The following ZNF385A variants were observed in gnomAD, a reference collection of about 807,000 sequenced individuals.
The protein encoded by ZNF385A is zinc finger protein 385A, also known as hematopoietic zinc finger protein.
Under a neutral mutation model 32.1 loss-of-function variants are expected in ZNF385A, and 14 were observed. The observed-to-expected ratio is 0.44, with a 90% CI of 0.29 to 0.68. The LOEUF (loss-of-function observed/expected upper bound fraction) is 0.68, where lower values mean the gene tolerates loss of function less well. ZNF385A is among the 30% of genes least tolerant of loss of function. ZNF385A has a pLI of 0.14. For missense variants in ZNF385A, 406 were observed against 478.4 expected, an observed-to-expected ratio of 0.85 and a Z score of 1.41; for synonymous variants, 197 against 202.7, an observed-to-expected ratio of 0.97 and a Z score of 0.24.
chr12:54,384,361 G>T, intron 1 of ZNF385A, 67 bp downstream of exon 1: 1 of 1,489,752 alleles, frequency 6.7e-7, no homozygotes, highest in Non-Finnish European at 9.0e-7. Context: ...GAAGAGGGCA[G>T]AGGTGGGTCT....
intron 1 of ZNF385A, among the ~76,000 whole-genome samples, chr12:54,382,531 C>T (rs1446292109): frequency 1.3e-5 from 2 of 152,146 alleles, no homozygotes; most frequent in Non-Finnish European, 2.9e-5. Context: ...AATTACTAAA[C>T]CCTTCTGAGG....
chr12:54,389,185 T>C (rs1181118275), upstream of ZNF385A, among the ~76,000 whole-genome samples: 5 of 152,226 alleles, frequency 3.3e-5, no homozygotes, highest in Non-Finnish European at 1.5e-5. Context: ...AGAACTGCCA[T>C]CTTAAACCTG....
intron 3 of ZNF385A, among the ~76,000 whole-genome samples, chr12:54,373,428 C>T (rs1441887766): frequency 6.6e-6 from 1 of 150,538 alleles, no homozygotes; most frequent in African/African-American, 2.5e-5. Flanking sequence ...GAAAAGGAAT[C>T]TTGTAAACTT....
chr12:54,374,839 T>C (rs992312050), intron 2 of ZNF385A, among the ~76,000 whole-genome samples: 1 of 152,144 alleles, frequency 6.6e-6, no homozygotes, highest in African/African-American at 2.4e-5. Flanking sequence ...CCAGGGTTGA[T>C]AGACAGGATG....
At chr12:54,376,610 G>A (rs953754045) in intron 1 of ZNF385A, among the ~76,000 whole-genome samples, 1 of 152,196 alleles carries the variant, frequency 6.6e-6, no homozygotes, top group Non-Finnish European at 1.5e-5. Context: ...CAGCTGGGCT[G>A]GCCCGAGGCA....
rs1390988940 is a variant in ZNF385A, at chr12:54,375,879, A to G, written c.163T>C (p.Ser55Pro). 4 of 1,614,164 alleles carry G rather than the reference A, an allele frequency of 2.5e-6. No individual in the cohort carries two copies. In the South Asian group the frequency reaches 4.4e-5, roughly 18 times the overall value. Reference protein sequence around the residue: ...PLLKTKRPVISCNICQIRFNS... With the variant: ...PLLKTKRPVIPCNICQIRFNS... ...AAGCGGATTTGACAGATATTACAGG[A>G]AATGACGGGCCGCTTGGTCTTGAGC... The change falls in exon 2 of 7, where the codon TCC becomes CCC. Residue 55 changes from serine (S) to proline (P), a missense_variant. Coordinates refer to ENST00000394313, the MANE Select transcript of ZNF385A (RefSeq NM_015481.3).
upstream of ZNF385A, chr12:54,385,595 G>A (rs1323627546): frequency 1.5e-5 from 15 of 977,258 alleles, no homozygotes; most frequent in African/African-American, 5.3e-5. Flanking sequence ...TGCTTGGCCC[G>A]TCCTCCCTTG....
chr12:54,376,807 AG>A (rs1445442310), intron 1 of ZNF385A, among the ~76,000 whole-genome samples: 2 of 152,180 alleles, frequency 1.3e-5, no homozygotes, highest in Non-Finnish European at 2.9e-5. Flanking sequence ...TTCTGCTATC[AG>A]GGGATGAAAA....
At chr12:54,386,942 GA>G (rs1230721981), upstream of ZNF385A, among the ~76,000 whole-genome samples, 1 of 152,212 alleles carries the variant, frequency 6.6e-6, no homozygotes, top group Non-Finnish European at 1.5e-5. Context: ...GACTTATGAG[GA>G]AATGGAGACT....
chr12:54,375,627 C>A (rs1034911178), intron 2 of ZNF385A, among the ~76,000 whole-genome samples: 2 of 152,156 alleles, frequency 1.3e-5, no homozygotes, highest in Non-Finnish European at 2.9e-5. Flanking sequence ...TGATCTACTT[C>A]ATGTCAAAAT....
chr12:54,376,760 C>A (rs938016086), intron 1 of ZNF385A, among the ~76,000 whole-genome samples: 1 of 152,208 alleles, frequency 6.6e-6, no homozygotes, highest in Non-Finnish European at 1.5e-5. Context: ...CAAGAGTTCA[C>A]ATGAGTAAGG....
At chr12:54,377,241 C>G (rs1954893686) in intron 1 of ZNF385A, among the ~76,000 whole-genome samples, 1 of 152,152 alleles carries the variant, frequency 6.6e-6, no homozygotes, top group South Asian at 2.1e-4. Context: ...AGATGGTGGC[C>G]TCATCCACTC....
chr12:54,391,199 A>G lies in ZNF385A; in HGVS notation c.10+36T>C. ...GTGGGTGACCCACAGAGAGGAACCC[A>G]GGAGCCGGGAGCCTGGAGTCGCAGA... On this transcript the variant is annotated intron_variant, in intron 1 of 7. Coordinates refer to the ZNF385A transcript ENST00000338010. 3.4e-6 allele frequency: 5 copies of G among 1,470,320 alleles called. No individual in the cohort carries two copies. The South Asian group carries it at 6.5e-5, about 19-fold the overall frequency. The allele number at this position is 1,470,320 out of a possible 1,614,324, so 91.1% of individuals were successfully genotyped here.
intron 1 of ZNF385A, among the ~76,000 whole-genome samples, chr12:54,389,920 AG>A (rs1205187931): frequency 3.9e-5 from 6 of 152,174 alleles, no homozygotes; most frequent in African/African-American, 1.4e-4. Context: ...TGCCAGGTGG[AG>A]GGGGTGAGAC....
At position 54,370,248 on chromosome 12, in the gene ZNF385A, G is replaced by A; in HGVS notation, c.*8C>T. ...GGGGAGTTGAATGGGAGGGGTTCAG[G>A]GTTGAGGTCAGTACGGGGAGAAGAG... is the stretch of plus-strand genomic sequence containing the variant. On this transcript the variant is annotated 3_prime_UTR_variant, in exon 7 of 7. Transcript: ENST00000394313. This position sits in a 1 kb window ranked among gnomAD's most constrained non-coding sequence, Gnocchi z 5.5. 1 of 1,449,198 alleles carries A rather than the reference G, an allele frequency of 6.9e-7. No homozygotes were observed. The highest frequency in any genetic ancestry group is 2.5e-5 in the East Asian group (1 of 39,496). 89.8% of individuals were successfully genotyped at this position (1,449,198 alleles called of 1,614,324 possible).
chr12:54,369,806 G>C lies in ZNF385A; in HGVS notation c.*450C>G, dbSNP rs1400122918. 1 of 154,732 alleles carries C rather than the reference G, an allele frequency of 6.5e-6. No homozygotes were observed. The highest frequency in any genetic ancestry group is 1.4e-5 in the Non-Finnish European group (1 of 69,632). The allele number at this position is 154,732 out of a possible 1,614,324, so 9.6% of individuals were successfully genotyped here. ...TGCTCCCCTCCCCCTACGGAGGACG[G>C]GGGTGTTCACGGAAGCGCTTCAGTT... is the stretch of plus-strand genomic sequence containing the variant. On this transcript the variant is annotated 3_prime_UTR_variant, in exon 7 of 7. Transcript: ENST00000394313.
At chr12:54,379,654 C>G (rs1308392518) in intron 1 of ZNF385A, among the ~76,000 whole-genome samples, 1 of 152,130 alleles carries the variant, frequency 6.6e-6, no homozygotes, top group Non-Finnish European at 1.5e-5. Context: ...GGAAACTGAA[C>G]CCGGGTACCC....
chr12:54,376,404 G>A (rs919933059), intron 1 of ZNF385A, among the ~76,000 whole-genome samples: 2 of 151,960 alleles, frequency 1.3e-5, no homozygotes, highest in Non-Finnish European at 2.9e-5. Flanking sequence ...CTCCACTCTG[G>A]GGTAAGACTA....
upstream of ZNF385A, among the ~76,000 whole-genome samples, chr12:54,388,229 C>A (rs1369682971): frequency 6.6e-6 from 1 of 152,176 alleles, no homozygotes; most frequent in Non-Finnish European, 1.5e-5. Context: ...TTAAAGAAAG[C>A]TCCCAACATG....
Sources: allele counts gnomAD v4.1 joint callset (sites outside exome capture counted in the v4.1 genomes callset), GRCh38; gene constraint gnomAD v4.1.1; non-coding constraint Gnocchi (gnomAD v3.1); transcripts MANE v1.5; gene names NCBI Gene and HGNC (gene_info 2026-07-23, HGNC 2026-07-21).